Variants in TOPORS observed in about 807,000 individuals in gnomAD.
TOPORS encodes the protein TOP1 binding arginine/serine rich protein, E3 ubiquitin ligase, also known as E3 ubiquitin-protein ligase Topors.
In TOPORS, 25 loss-of-function variants were observed where a neutral mutation model predicts 81.4. The ratio of observed to expected loss-of-function variants is 0.31; its 90% CI spans 0.22 to 0.43. The LOEUF (loss-of-function observed/expected upper bound fraction) is 0.43. Ranked by LOEUF, TOPORS falls within the 20% of genes least tolerant of loss-of-function variation. TOPORS has a pLI of 1.00. For missense variants in TOPORS, 1,101 were observed against 1,267.0 expected (o/e 0.87, Z 1.99); for synonymous variants, 473 against 456.6 (o/e 1.04, Z -0.46).
At chr9:32,551,856 G>A in intron 1 of TOPORS, 1 of 427,996 alleles carries the variant, frequency 2.3e-6, no homozygotes, top group Non-Finnish European at 4.8e-6. Context: ...TACGCTATAC[G>A]TTTCTGAAGA....
intron 2 of TOPORS, among the ~76,000 whole-genome samples, chr9:32,546,587 TTA>T (rs991179948): frequency 2.6e-5 from 4 of 152,234 alleles, no homozygotes; most frequent in African/African-American, 7.2e-5. Context: ...AAATAGAATT[TTA>T]GTGTTTTCTG....
chr9:32,550,691 T>C, intron 2 of TOPORS, 83 bp downstream of exon 2: 1 of 1,533,832 alleles, frequency 6.5e-7, no homozygotes, highest in Admixed American at 1.7e-5. Flanking sequence ...AACCCTCGGG[T>C]CCCGAGGCGC....
chr9:32,540,951 A>G lies in TOPORS; in HGVS notation c.*436T>C, dbSNP rs993892862. 1 of 155,126 alleles carries G rather than the reference A, an allele frequency of 6.4e-6. No homozygotes were observed. The highest frequency in any genetic ancestry group is 1.4e-5 in the Non-Finnish European group (1 of 69,646). The allele number at this position is 155,126 out of a possible 1,614,324, so 9.6% of individuals were successfully genotyped here. A position where few individuals can be genotyped will look rare whatever the true frequency, so the allele number is the denominator to read the frequency against. Reference sequence around the variant, plus strand: ...TGAAGAAATGGTTTTGAATCATATAAATTTTTAAGAAGAAAAATAAAGACT... The same window carrying G: ...TGAAGAAATGGTTTTGAATCATATAGATTTTTAAGAAGAAAAATAAAGACT... On this transcript the variant is annotated 3_prime_UTR_variant, in exon 3 of 3. Transcript: ENST00000360538.
intron 1 of TOPORS, 178 bp downstream of exon 1, chr9:32,552,256 T>G (rs1184029582): frequency 1.2e-6 from 1 of 811,538 alleles, no homozygotes; most frequent in South Asian, 1.5e-5. Flanking sequence ...CCCGATCACG[T>G]GATACCGCCC....
intron 1 of TOPORS, chr9:32,552,189 A>G: frequency 1.7e-6 from 1 of 602,834 alleles, no homozygotes. Context: ...AAAAAAAAAA[A>G]AAAGCAATTT....
At position 32,541,247 on chromosome 9, in the gene TOPORS, CAA is replaced by C; in HGVS notation, c.*138_*139del. The C allele has an allele frequency of 7.7e-6, 6 of 779,886 alleles. No individual in the cohort carries two copies. The highest frequency in any genetic ancestry group is 2.0e-5 in the South Asian group (1 of 49,306). 48.3% of individuals were successfully genotyped at this position (779,886 alleles called of 1,614,324 possible). A position where few individuals can be genotyped will look rare whatever the true frequency, so the allele number is the denominator to read the frequency against. On this transcript the variant is annotated 3_prime_UTR_variant, in exon 3 of 3. Coordinates refer to ENST00000360538, the MANE Select transcript of TOPORS (RefSeq NM_005802.5). ...AATAATGATTTTTACAAATTAACAC[CAA>C]AAAAAAAATCATTTAAAATATTGTA...
At chr9:32,551,630 G>A (rs1821263710) in intron 1 of TOPORS, 2 of 263,606 alleles carry the variant, frequency 7.6e-6, no homozygotes, top group Admixed American at 8.0e-5. Context: ...TAAGCGGCCC[G>A]TTGCCAGATT....
chr9:32,552,460 T>C lies in TOPORS; in HGVS notation c.-24A>G, dbSNP rs750912272. On this transcript the variant is annotated 5_prime_UTR_variant, in exon 1 of 3. Transcript: ENST00000360538. ...ATGAAGCCAGTAAGTCGTCGCACGC[T>C]GGACTGGATTTATTCAGTGGTAAGT... 2.5e-6 allele frequency: 4 copies of C among 1,602,310 alleles called. No homozygotes were observed. Among genetic ancestry groups the C allele is most frequent in the Non-Finnish European group, 3.4e-6 (4 of 1,174,868 alleles).
rs147559581 is a variant in TOPORS at position 32,542,176 on chromosome 9, C to T, written c.2349G>A (p.Gly783=). 263 of 1,614,174 alleles carry T rather than the reference C, an allele frequency of 1.6e-4. No homozygotes were observed. The African/African-American group carries it at 3.1e-3, about 19-fold the overall frequency. ...SSNRSRTAST[G]TDRVRNEKPG... is the part of the protein sequence containing the mutation. Reference sequence around the variant, plus strand: ...GCTTTTCATTTCTCACCCGGTCAGTCCCGGTAGATGCAGTCCTTGATCTGT... The same window carrying T: ...GCTTTTCATTTCTCACCCGGTCAGTTCCGGTAGATGCAGTCCTTGATCTGT... The change falls in exon 3 of 3, where the codon GGG becomes GGA. Residue 783 remains glycine (G), a synonymous_variant. Coordinates refer to ENST00000360538, the MANE Select transcript of TOPORS (RefSeq NM_005802.5).
rs1038035522 is a variant in TOPORS, at chr9:32,542,758, A to G, written c.1767T>C (p.His589=). The change falls in exon 3 of 3, where the codon CAT becomes CAC. Residue 589 remains histidine, a synonymous_variant. Transcript: ENST00000360538. The part of the protein sequence containing the change: ...RGDRVYSPYN[H]RHRKRGRSRS... ...TTGATCTTCCCCTCTTTCTGTGTCT[A>G]TGGTTATATGGAGAATATACTCTGT... The G allele has an allele frequency of 9.9e-6, 16 of 1,613,820 alleles. No homozygotes were observed. Among genetic ancestry groups the G allele is most frequent in the African/African-American group, 1.3e-5 (1 of 74,896 alleles).
chr9:32,550,626 G>C (rs1821220931), intron 2 of TOPORS, 148 bp downstream of exon 2: 1 of 841,376 alleles, frequency 1.2e-6, no homozygotes, highest in Non-Finnish European at 1.8e-6. Context: ...GGAGCCGCTC[G>C]GGGGCCCTGG....
chr9:32,551,734 T>A (rs1821267600), intron 1 of TOPORS: 1 of 427,258 alleles, frequency 2.3e-6, no homozygotes. Context: ...GGGCTTAGTA[T>A]CTCACGCGCG....
rs1821051685 is a variant in TOPORS, at chr9:32,541,272, G to C, written c.*115C>G. ...CAAAAAAAAAATCATTTAAAATATT[G>C]TAAGGAGGAAGAGAGTTTTCACCAA... is the stretch of plus-strand genomic sequence containing the variant. On this transcript the variant is annotated 3_prime_UTR_variant, in exon 3 of 3. Coordinates refer to ENST00000360538, the MANE Select transcript of TOPORS (RefSeq NM_005802.5). 6 of 1,027,310 alleles carry C rather than the reference G, an allele frequency of 5.8e-6. No homozygotes were observed. The highest frequency in any genetic ancestry group is 8.6e-6 in the Non-Finnish European group (6 of 700,532). 63.6% of individuals were successfully genotyped at this position (1,027,310 alleles called of 1,614,324 possible). A position where few individuals can be genotyped will look rare whatever the true frequency, so the allele number is the denominator to read the frequency against.
chr9:32,550,667 C>A (rs1196218864), intron 2 of TOPORS, 107 bp downstream of exon 2: 13 of 1,332,742 alleles, frequency 9.8e-6, no homozygotes, highest in Middle Eastern at 2.0e-4. Flanking sequence ...GACAGCCCCG[C>A]AGGCCATGAC....
chr9:32,544,379 A>T, intron 2 of TOPORS, 53 bp from the exon 3 acceptor site: 1 of 1,555,690 alleles, frequency 6.4e-7, no homozygotes, highest in Non-Finnish European at 8.7e-7. Context: ...GAATGACTAA[A>T]TAGTCTCAAC....
Position 32,543,839 on chromosome 9 carries a change from T to C in TOPORS, c.686A>G (p.Gln229Arg). ...STRPRDVEIP[Q>R]FMRQIAVRRP... is the part of the protein sequence containing the mutation. Reference sequence around the variant, plus strand: ...CCTTACTGCAATCTGTCTCATAAACTGAGGAATTTCAACATCTCTAGGTCT... The same window carrying C: ...CCTTACTGCAATCTGTCTCATAAACCGAGGAATTTCAACATCTCTAGGTCT... The change falls in exon 3 of 3, where the codon CAG becomes CGG. Residue 229 changes from glutamine to arginine, a missense_variant. Coordinates refer to ENST00000360538, the MANE Select transcript of TOPORS (RefSeq NM_005802.5). This position sits in a 1 kb window ranked among gnomAD's most constrained non-coding sequence, Gnocchi z 5.6. 6.2e-7 allele frequency: 1 copy of C among 1,614,170 alleles called. No homozygotes were observed. Among genetic ancestry groups the C allele is most frequent in the South Asian group, 1.1e-5 (1 of 91,074 alleles).
intron 2 of TOPORS, 77 bp downstream of exon 2, chr9:32,550,697 G>A: frequency 6.4e-6 from 10 of 1,567,496 alleles, no homozygotes; most frequent in South Asian, 2.2e-5. Context: ...CGGGTCCCGA[G>A]GCGCCGCTCC....
rs146289500 is a variant in TOPORS, at chr9:32,541,786, G to A, written c.2739C>T (p.Asp913=). 1.1e-5 allele frequency: 18 copies of A among 1,614,066 alleles called. No homozygotes were observed. Among genetic ancestry groups the A allele is most frequent in the Admixed American group, 1.7e-5 (1 of 60,002 alleles). ...RSPVVITIDS[D]SDKDSEVKED... ...CCTTTACTTCAGAATCCTTATCACTGTCACTGTCAATGGTAATTACAACTG... is the reference window on the plus strand; with the variant it reads ...CCTTTACTTCAGAATCCTTATCACTATCACTGTCAATGGTAATTACAACTG... Residue 913 remains aspartate, a synonymous_variant, in exon 3 of 3, where the codon GAC becomes GAT. Transcript: ENST00000360538.
Position 32,542,542 on chromosome 9 carries a change from A to G in TOPORS, c.1983T>C (p.Ser661=), listed in dbSNP as rs1297547869. The G allele has an allele frequency of 6.2e-7, 1 of 1,614,054 alleles. No individual in the cohort carries two copies. ...ATCTGCTTGTGCTTTCACTACTTAG[A>G]GACAGAGTTTGGCTTCTTCTGGACC... is the stretch of plus-strand genomic sequence containing the variant. ...SSWSRRSQTL[S]LSSESTSRSR... The change falls in exon 3 of 3, where the codon TCT becomes TCC. Residue 661 remains serine (S), a synonymous_variant. Transcript: ENST00000360538.
Sources: gnomAD v4.1 joint callset for allele counts (sites outside exome capture counted in the v4.1 genomes callset) on GRCh38, gnomAD v4.1.1 for gene constraint, Gnocchi (gnomAD v3.1) non-coding constraint, MANE v1.5 for transcripts, NCBI Gene and HGNC (gene_info 2026-07-23, HGNC 2026-07-21) for gene names.